OVCH1: variants seen among roughly 807,000 people sequenced by gnomAD.
The protein encoded by OVCH1 is ovochymase-1.
In OVCH1, 139 loss-of-function variants were observed where a neutral mutation model predicts 138.4. The observed-to-expected ratio is 1.00, with a 90% confidence interval of 0.87 to 1.16. OVCH1 has a LOEUF of 1.16. Ranked by LOEUF, OVCH1 falls within the 50% of genes most tolerant of loss-of-function variation. The pLI is 0.00. For missense variants in OVCH1, 1,367 were observed against 1,357.9 expected (o/e 1.01, Z -0.11); for synonymous variants, 453 against 467.8 (o/e 0.97, Z 0.41).
At chr12:29,445,128 G>A in intron 23 of OVCH1, 150 bp downstream of exon 23, 1 of 841,788 alleles carries the variant, frequency 1.2e-6, no homozygotes, top group Non-Finnish European at 1.7e-6. Flanking sequence ...AATCTTAGGT[G>A]ACTTAAGTAG....
At chr12:29,436,851 G>C (rs1362276147) in intron 26 of OVCH1, among the ~76,000 whole-genome samples, 1 of 152,232 alleles carries the variant, frequency 6.6e-6, no homozygotes, top group Non-Finnish European at 1.5e-5. Flanking sequence ...CGGACCCAAA[G>C]AGTGAGCAGC....
At chr12:29,481,434 T>A (rs16934322) in intron 8 of OVCH1, among the ~76,000 whole-genome samples, 1 of 152,150 alleles carries the variant, frequency 6.6e-6, no homozygotes, top group Non-Finnish European at 1.5e-5. Flanking sequence ...GTTGACTCCT[T>A]ACTTTAGTCC....
chr12:29,493,950 G>T (rs1433955929), intron 4 of OVCH1, among the ~76,000 whole-genome samples: 1 of 152,128 alleles, frequency 6.6e-6, no homozygotes, highest in Non-Finnish European at 1.5e-5. Flanking sequence ...AATTTATTTT[G>T]CTTTTGCCAG....
intron 26 of OVCH1, chr12:29,433,877 C>CA (rs148996239): frequency 0.15 from 167,144 of 1,107,916 alleles, 5,101 homozygotes; most frequent in Non-Finnish European, 0.17. Context: ...TTAACATGTC[C>CA]AAAAAAAAAA....
chr12:29,474,749 A>C (rs1942644778), intron 14 of OVCH1, among the ~76,000 whole-genome samples: 1 of 152,180 alleles, frequency 6.6e-6, no homozygotes, highest in South Asian at 2.1e-4. Context: ...AAATAGAGTC[A>C]GTCAATCTCA....
downstream of OVCH1, among the ~76,000 whole-genome samples, chr12:29,407,717 G>A (rs1363733163): frequency 9.2e-5 from 14 of 152,192 alleles, no homozygotes; most frequent in Non-Finnish European, 1.2e-4. Context: ...TAGCCTTGTA[G>A]TATAGTTTGA....
rs1368228412 is a variant in OVCH1 at position 29,477,455 on chromosome 12, G to A, written c.1132C>T (p.Pro378Ser). The A allele has an allele frequency of 2.5e-6, 4 of 1,613,804 alleles. No homozygotes were observed. The East Asian group carries it at 6.7e-5, about 27-fold the overall frequency. The change falls in exon 11 of 28, where the codon CCT becomes TCT. Residue 378 changes from proline to serine, a missense_variant. Pro to Ser is a moderately conservative substitution (Grantham distance 74). Transcript: ENST00000318184. ...CTGGTCTCTGCCAGCAATGGTGAAG[G>A]CAATATTTTTCCACAGACCTTACCT...
chr12:29,406,987 T>A, the OVCH1 span, among the ~76,000 whole-genome samples: 41 of 149,874 alleles, frequency 2.7e-4, no homozygotes, highest in Non-Finnish European at 1.0e-4. Flanking sequence ...GACTTTTTAA[T>A]GATTGCCATT....
intron 19 of OVCH1, among the ~76,000 whole-genome samples, chr12:29,457,625 G>A (rs919407355): frequency 1.3e-5 from 2 of 151,680 alleles, no homozygotes; most frequent in South Asian, 2.1e-4. Flanking sequence ...GGATGGTCTC[G>A]ATCTGCTGAC....
intron 7 of OVCH1, among the ~76,000 whole-genome samples, chr12:29,486,679 T>C (rs1396570128): frequency 6.6e-6 from 1 of 152,084 alleles, no homozygotes; most frequent in African/African-American, 2.4e-5. Context: ...TAGGGGAAGA[T>C]GAACTAGAAA....
chr12:29,434,806 A>G (rs1318651184), intron 26 of OVCH1, among the ~76,000 whole-genome samples: 2 of 152,218 alleles, frequency 1.3e-5, no homozygotes, highest in Non-Finnish European at 2.9e-5. Context: ...TGCTATATCA[A>G]TATAAAAATG....
intron 22 of OVCH1, among the ~76,000 whole-genome samples, chr12:29,448,175 C>T (rs1941670495): frequency 6.8e-6 from 1 of 146,664 alleles, no homozygotes; most frequent in Non-Finnish European, 1.5e-5. Context: ...AGATCCTTGG[C>T]ATGTGCAATT....
At chr12:29,407,416 C>G in the OVCH1 span, among the ~76,000 whole-genome samples, 1 of 150,456 alleles carries the variant, frequency 6.6e-6, no homozygotes, top group South Asian at 2.1e-4. Flanking sequence ...CCTAGGTTTT[C>G]TTCTAGGGTT....
chr12:29,439,461 A>G (rs375040563), intron 25 of OVCH1: 55 of 1,477,218 alleles, frequency 3.7e-5, no homozygotes, highest in Non-Finnish European at 4.6e-5. Flanking sequence ...AAAACAAACA[A>G]ACAAACAAAC....
intron 26 of OVCH1, chr12:29,433,955 G>T: frequency 1.6e-6 from 1 of 635,300 alleles, no homozygotes. Context: ...GAGTGTGAAT[G>T]GATTAATCTT....
chr12:29,454,981 C>A, intron 20 of OVCH1, 48 bp from the exon 21 acceptor site: 1 of 1,477,966 alleles, frequency 6.8e-7, no homozygotes. Flanking sequence ...AGCCTGAGAA[C>A]AAAATATAGT....
chr12:29,429,553 A>C (rs1242207527), intron 27 of OVCH1, among the ~76,000 whole-genome samples: 1 of 152,258 alleles, frequency 6.6e-6, no homozygotes, highest in East Asian at 1.9e-4. Flanking sequence ...ACAAAGTAGA[A>C]TTGATTGCTG....
At chr12:29,461,920 T>C (rs767670913) in exon 19 of OVCH1, 10 of 1,613,924 alleles carry the variant, frequency 6.2e-6, no homozygotes, top group South Asian at 1.1e-5. Flanking sequence ...TGATCCCTCC[T>C]GGATGGGCAG....
intron 9 of OVCH1, among the ~76,000 whole-genome samples, chr12:29,478,401 A>C (rs1000512823): frequency 6.6e-6 from 1 of 152,136 alleles, no homozygotes; most frequent in Non-Finnish European, 1.5e-5. Flanking sequence ...ACATGTACCC[A>C]CTTTTGTGAT....
Sources: allele counts gnomAD v4.1 joint callset (sites outside exome capture counted in the v4.1 genomes callset), GRCh38; gene constraint gnomAD v4.1.1; transcripts MANE v1.5; gene names NCBI Gene and HGNC (gene_info 2026-07-23, HGNC 2026-07-21).